Variants in CSMD3 observed in about 807,000 individuals in gnomAD.
CSMD3 encodes CUB and Sushi multiple domains 3.
Under a neutral mutation model 435.2 loss-of-function variants are expected in CSMD3, and 177 were observed. The observed-to-expected ratio is 0.41, with a 90% confidence interval of 0.36 to 0.46. The LOEUF (loss-of-function observed/expected upper bound fraction) is 0.46, where lower values mean the gene tolerates loss of function less well. Among genes scored for constraint, CSMD3 ranks in the 20% least tolerant of loss-of-function variants. The probability of loss-of-function intolerance (pLI) is 0.34; values close to 1 mark genes in which losing one functional copy is unlikely to be tolerated. For missense variants in CSMD3, 4,265 were observed against 4,504.6 expected, an observed-to-expected ratio of 0.95 and a Z score of 1.52; for synonymous variants, 1,656 against 1,520.5, an observed-to-expected ratio of 1.09 and a Z score of -2.07.
chr8:113,393,407 T>G (rs1245150314), intron 1 of CSMD3, among the ~76,000 whole-genome samples: 2 of 152,068 alleles, frequency 1.3e-5, no homozygotes, highest in African/African-American at 2.4e-5. Context: ...TTTTAAAAAC[T>G]TAACCCACTC....
intron 1 of CSMD3, among the ~76,000 whole-genome samples, chr8:113,384,883 T>C (rs1009301239): frequency 6.6e-6 from 1 of 152,142 alleles, no homozygotes; most frequent in African/African-American, 2.4e-5. Flanking sequence ...AGTCCCAGCC[T>C]GGGCACCCAA....
At chr8:113,070,103 T>A (rs2089042110) in intron 5 of CSMD3, among the ~76,000 whole-genome samples, 1 of 152,102 alleles carries the variant, frequency 6.6e-6, no homozygotes, top group Admixed American at 6.6e-5. Flanking sequence ...ATTGTTACAC[T>A]TCTAGCCACA....
Position 112,556,929 on chromosome 8 carries a change from A to G in CSMD3, c.4068T>C (p.Asp1356=). ...YTSFELSHCE[D]PGIPQFGYKI... ...TGTATCCAAATTGTGGAATGCCAGG[A>G]TCTTCACAGTGTGAGAGTTCAAAAC... The change falls in exon 25 of 71, where the codon GAT becomes GAC. Residue 1356 remains aspartate, a synonymous_variant. Transcript: ENST00000297405. 6.2e-7 allele frequency: 1 copy of G among 1,612,030 alleles called. No individual in the cohort carries two copies. The highest frequency in any genetic ancestry group is 8.5e-7 in the Non-Finnish European group (1 of 1,178,658).
At chr8:112,549,631 T>A (rs1161749803) in intron 27 of CSMD3, among the ~76,000 whole-genome samples, 8 of 152,054 alleles carry the variant, frequency 5.3e-5, no homozygotes, top group Non-Finnish European at 1.0e-4. Context: ...TTATTTATTT[T>A]CAAGACATTT....
intron 13 of CSMD3, among the ~76,000 whole-genome samples, chr8:112,699,123 G>A (rs547079010): frequency 1.7e-4 from 26 of 152,154 alleles, no homozygotes; most frequent in South Asian, 1.0e-3. Context: ...ACCCGCTCGC[G>A]TCCCCTTCCA....
intron 13 of CSMD3, among the ~76,000 whole-genome samples, chr8:112,791,322 A>G (rs868382905): frequency 0.061 from 3,158 of 51,440 alleles, 55 homozygotes; most frequent in Middle Eastern, 0.12. Context: ...ATCCTGTGAA[A>G]AAAAAAAAAA....
chr8:112,341,173 G>A (rs1483602242), intron 42 of CSMD3, among the ~76,000 whole-genome samples: 1 of 151,868 alleles, frequency 6.6e-6, no homozygotes, highest in Non-Finnish European at 1.5e-5. Flanking sequence ...ATACATCTTT[G>A]CTGTGCAGCT....
intron 13 of CSMD3, among the ~76,000 whole-genome samples, chr8:112,727,495 T>C (rs1475180977): frequency 6.6e-6 from 1 of 151,866 alleles, no homozygotes; most frequent in Non-Finnish European, 1.5e-5. Flanking sequence ...CAAGGACTAT[T>C]CTTGGAGGGT....
chr8:113,412,559 A>G (rs1341476049), intron 1 of CSMD3, among the ~76,000 whole-genome samples: 1 of 152,170 alleles, frequency 6.6e-6, no homozygotes, highest in Non-Finnish European at 1.5e-5. Flanking sequence ...TGAATGATAA[A>G]AGATGATATA....
rs2130676111 is a variant in CSMD3 at position 112,291,534 on chromosome 8, C to G, written c.8950G>C (p.Asp2984His). Reference protein sequence around the residue: ...VLICQPNGQWDKPLPECIMID... With the variant: ...VLICQPNGQWHKPLPECIMID... Reference sequence around the variant, plus strand: ...CTGATACATTCTGGTAAAGGTTTGTCCCATTGTCCATTTGGTTGACATATC... The same window carrying G: ...CTGATACATTCTGGTAAAGGTTTGTGCCATTGTCCATTTGGTTGACATATC... The change falls in exon 56 of 71, where the codon GAC (aspartate) becomes CAC (histidine). Residue 2984 changes from aspartate to histidine, a missense_variant. Asp to His is a moderately conservative substitution (Grantham distance 81). This residue lies in a region of CSMD3 where 3,255 missense variants were observed against 3,380.2 expected (regional missense o/e 0.96). Coordinates refer to ENST00000297405, the MANE Select transcript of CSMD3 (RefSeq NM_198123.2). 6.2e-7 allele frequency: 1 copy of G among 1,610,022 alleles called. No homozygotes were observed. Among genetic ancestry groups the G allele is most frequent in the South Asian group, 1.1e-5 (1 of 90,994 alleles).
intron 63 of CSMD3, 21 bp from the exon 64 acceptor site, chr8:112,247,152 G>A (rs767134927): frequency 6.7e-7 from 1 of 1,491,518 alleles, no homozygotes; most frequent in Non-Finnish European, 9.4e-7. Flanking sequence ...TTAAAGAGAG[G>A]AAAAAAATAT....
intron 52 of CSMD3, among the ~76,000 whole-genome samples, chr8:112,304,406 T>C (rs550589712): frequency 7.3e-5 from 11 of 150,970 alleles, no homozygotes; most frequent in African/African-American, 2.4e-4. Context: ...CAAATGAGTA[T>C]AAAACATATA....
intron 9 of CSMD3, among the ~76,000 whole-genome samples, chr8:112,938,719 C>T (rs1256129759): frequency 6.6e-6 from 1 of 152,088 alleles, no homozygotes; most frequent in African/African-American, 2.4e-5. Flanking sequence ...GCAAGTGTGG[C>T]ATTCTGTAAT....
chr8:113,284,835 G>A (rs1003507671), intron 2 of CSMD3, among the ~76,000 whole-genome samples: 1 of 152,158 alleles, frequency 6.6e-6, no homozygotes, highest in African/African-American at 2.4e-5. Context: ...GTTGATGCAC[G>A]ATGAAATTGC....
intron 1 of CSMD3, among the ~76,000 whole-genome samples, chr8:113,363,847 T>C (rs913839986): frequency 3.3e-5 from 5 of 152,170 alleles, no homozygotes; most frequent in Non-Finnish European, 7.4e-5. Context: ...CAGCCTACTA[T>C]ATAGATCAGA....
At position 113,314,383 on chromosome 8, in the gene CSMD3, A is replaced by G. The variant is rs543889057; in HGVS notation, c.401+188T>C. ...TTGTGAGACATAGTATTAATGTACTAGCAATATGACATCAGAGACACCAAG... is the reference window on the plus strand; with the variant it reads ...TTGTGAGACATAGTATTAATGTACTGGCAATATGACATCAGAGACACCAAG... On this transcript the variant is annotated intron_variant, in intron 2 of 70. Transcript: ENST00000297405. The G allele has an allele frequency of 1.0e-5, 6 of 592,148 alleles. No homozygotes were observed. In the South Asian group the frequency reaches 1.2e-4, roughly 12 times the overall value. 36.7% of individuals were successfully genotyped at this position (592,148 alleles called of 1,614,324 possible).
chr8:112,590,718 C>T (rs564139887), intron 22 of CSMD3, among the ~76,000 whole-genome samples: 2 of 148,048 alleles, frequency 1.4e-5, no homozygotes, highest in African/African-American at 2.4e-5. Context: ...GAATGAGGTA[C>T]ATTTATAAAA....
chr8:112,962,487 C>T (rs1045566150), intron 7 of CSMD3, among the ~76,000 whole-genome samples: 2 of 151,520 alleles, frequency 1.3e-5, no homozygotes, highest in Admixed American at 1.3e-4. Flanking sequence ...GGCATATAGT[C>T]TTCCACTATG....
chr8:112,538,303 G>C (rs1419470163), intron 27 of CSMD3, among the ~76,000 whole-genome samples: 1 of 152,008 alleles, frequency 6.6e-6, no homozygotes, highest in Non-Finnish European at 1.5e-5. Flanking sequence ...GGCCAAGAAT[G>C]ACCACTTTTA....
Sources: gnomAD v4.1 joint callset for allele counts (sites outside exome capture counted in the v4.1 genomes callset) on GRCh38, gnomAD v4.1.1 for gene constraint, gnomAD v4.1.1 regional missense constraint, MANE v1.5 for transcripts, NCBI Gene and HGNC (gene_info 2026-07-23, HGNC 2026-07-21) for gene names.